Variants in GRM7 observed in about 807,000 individuals in gnomAD.
GRM7 encodes metabotropic glutamate receptor 7.
A neutral mutation model predicts 84.5 loss-of-function variants in GRM7; 35 were observed. The ratio of observed to expected loss-of-function variants is 0.41; its 90% confidence interval spans 0.32 to 0.55. The LOEUF is 0.55. Among genes scored for constraint, GRM7 ranks in the 20% least tolerant of loss-of-function variants. The probability of loss-of-function intolerance (pLI) is 0.19; values close to 1 mark genes in which losing one functional copy is unlikely to be tolerated. For synonymous variants in GRM7, 487 were observed against 455.1 expected, an observed-to-expected ratio of 1.07 and a Z score of -0.89; for missense variants, 1,003 against 1,194.6, an observed-to-expected ratio of 0.84 and a Z score of 2.36.
intron 2 of GRM7, among the ~76,000 whole-genome samples, chr3:7,197,555 T>C (rs900780967): frequency 1.2e-4 from 19 of 152,154 alleles, no homozygotes; most frequent in African/African-American, 4.6e-4. Context: ...CAAGATAATG[T>C]AGTCCATTCA....
At chr3:7,049,134 G>C (rs1696905038) in intron 1 of GRM7, among the ~76,000 whole-genome samples, 1 of 151,944 alleles carries the variant, frequency 6.6e-6, no homozygotes, top group African/African-American at 2.4e-5. Flanking sequence ...TGTTTATTGA[G>C]AGTTCACTAT....
intron 5 of GRM7, among the ~76,000 whole-genome samples, chr3:7,441,292 AAAG>A (rs1488158388): frequency 6.6e-6 from 1 of 152,108 alleles, no homozygotes; most frequent in Non-Finnish European, 1.5e-5. Context: ...CTTCTTTTGA[AAAG>A]AAGTGTCTGT....
chr3:7,582,216 G>A (rs1052471783), intron 8 of GRM7, among the ~76,000 whole-genome samples: 3 of 152,150 alleles, frequency 2.0e-5, no homozygotes, highest in African/African-American at 7.2e-5. Context: ...TTGCCTTGTG[G>A]TTGTGTCTAT....
chr3:7,368,277 C>A (rs1343221474), intron 4 of GRM7, among the ~76,000 whole-genome samples: 4 of 151,958 alleles, frequency 2.6e-5, no homozygotes, highest in African/African-American at 9.7e-5. Flanking sequence ...AAAATGAAGG[C>A]AATTTTAAAA....
At chr3:7,394,204 CT>C (rs1695115127) in intron 4 of GRM7, among the ~76,000 whole-genome samples, 1 of 152,176 alleles carries the variant, frequency 6.6e-6, no homozygotes, top group Non-Finnish European at 1.5e-5. Context: ...GTCCTAACTT[CT>C]TGCTCTGTTT....
chr3:7,614,561 G>C (rs1458518907), intron 8 of GRM7, among the ~76,000 whole-genome samples: 1 of 152,128 alleles, frequency 6.6e-6, no homozygotes. Flanking sequence ...AATCTAGTCA[G>C]TAAACTTAAT....
intron 2 of GRM7, among the ~76,000 whole-genome samples, chr3:7,169,631 C>T (rs552675893): frequency 2.0e-5 from 3 of 152,220 alleles, no homozygotes; most frequent in African/African-American, 7.2e-5. Context: ...CTTCATCTTA[C>T]ATATGCTCCT....
Position 7,350,635 on chromosome 3 carries a change from A to C in GRM7, c.1033+43983A>C, listed in dbSNP as rs139312611. Among the ~76,000 whole-genome samples, 277 of 152,272 alleles carry C rather than the reference A, an allele frequency of 1.8e-3. 3 individuals are homozygous for C. The highest frequency in any genetic ancestry group is 5.8e-3 in the African/African-American group (243 of 41,564). On this transcript the variant is annotated intron_variant, in intron 4 of 9. Transcript: ENST00000357716. ...CTTTATAGCAGTGTGAGAATAGACT[A>C]ATGCACTAATACTTATAAAATTTAG...
chr3:7,320,549 G>A (rs540399233), intron 4 of GRM7, among the ~76,000 whole-genome samples: 1 of 152,054 alleles, frequency 6.6e-6, no homozygotes, highest in South Asian at 2.1e-4. Flanking sequence ...TTGAGTGAGA[G>A]TTGTATAACA....
At chr3:7,290,044 G>A (rs974991333) in intron 2 of GRM7, among the ~76,000 whole-genome samples, 1 of 151,848 alleles carries the variant, frequency 6.6e-6, no homozygotes, top group Admixed American at 6.6e-5. Context: ...AAAAAGAAAA[G>A]TTATCTTATT....
intron 7 of GRM7, among the ~76,000 whole-genome samples, chr3:7,470,740 G>C (rs1341051566): frequency 6.6e-6 from 1 of 151,956 alleles, no homozygotes; most frequent in Non-Finnish European, 1.5e-5. Flanking sequence ...AATACAACAA[G>C]ATAAATGAGT....
At chr3:7,146,248 G>A (rs990462597) in intron 1 of GRM7, among the ~76,000 whole-genome samples, 1 of 152,160 alleles carries the variant, frequency 6.6e-6, no homozygotes, top group African/African-American at 2.4e-5. Flanking sequence ...AAATAAAAAG[G>A]CAAGACGCTG....
intron 1 of GRM7, among the ~76,000 whole-genome samples, chr3:6,916,393 A>C (rs1284493364): frequency 6.6e-6 from 1 of 152,234 alleles, no homozygotes; most frequent in Non-Finnish European, 1.5e-5. Context: ...TGCTATTTGA[A>C]CTGAGACCAG....
intron 2 of GRM7, among the ~76,000 whole-genome samples, chr3:7,220,686 C>G (rs1006888838): frequency 6.6e-6 from 1 of 152,158 alleles, no homozygotes; most frequent in African/African-American, 2.4e-5. Flanking sequence ...ACAAGTGCTG[C>G]ATATTAATTA....
chr3:7,474,573 A>G (rs1474031736), intron 7 of GRM7, among the ~76,000 whole-genome samples: 2 of 152,180 alleles, frequency 1.3e-5, no homozygotes, highest in Non-Finnish European at 2.9e-5. Context: ...AACAAGTTCC[A>G]GCTAATCTTT....
intron 7 of GRM7, among the ~76,000 whole-genome samples, chr3:7,490,552 G>A (rs1222245335): frequency 6.6e-6 from 1 of 152,106 alleles, no homozygotes; most frequent in Non-Finnish European, 1.5e-5. Flanking sequence ...ATCACTTGTT[G>A]TAGCATATTT....
intron 1 of GRM7, among the ~76,000 whole-genome samples, chr3:7,090,185 G>A (rs1216092332): frequency 6.6e-6 from 1 of 152,078 alleles, no homozygotes; most frequent in Non-Finnish European, 1.5e-5. Flanking sequence ...TAAAAGAAGG[G>A]TAAAACATTT....
intron 1 of GRM7, among the ~76,000 whole-genome samples, chr3:6,998,119 C>CAAAAAGAAAAAAAAAAAAA (rs1694885443): frequency 5.4e-5 from 1 of 18,432 alleles, no homozygotes; most frequent in Non-Finnish European, 9.6e-5. Flanking sequence ...ATCTCCATCT[C>CAAAAAGAAAAAAAAAAAAA]AAAAAAAAAA....
At chr3:7,396,601 C>T (rs980475705) in intron 4 of GRM7, among the ~76,000 whole-genome samples, 1 of 152,006 alleles carries the variant, frequency 6.6e-6, no homozygotes, top group East Asian at 1.9e-4. Context: ...GTGTTTCATG[C>T]AATTTTTCTC....
Sources: allele counts gnomAD v4.1 joint callset (sites outside exome capture counted in the v4.1 genomes callset), GRCh38; gene constraint gnomAD v4.1.1; transcripts MANE v1.5; gene names NCBI Gene and HGNC (gene_info 2026-07-23, HGNC 2026-07-21).